ANKRD12: variants seen among roughly 807,000 people sequenced by gnomAD.
ANKRD12 encodes ankyrin repeat domain-containing protein 12.
Under a neutral mutation model 183.4 loss-of-function variants are expected in ANKRD12, and 85 were observed. That is an observed-to-expected ratio of 0.46 (90% CI 0.39 to 0.56). The LOEUF is 0.56. Among genes scored for constraint, ANKRD12 ranks in the 20% least tolerant of loss-of-function variants. The probability of loss-of-function intolerance (pLI) is 0.00; values close to 1 mark genes in which losing one functional copy is unlikely to be tolerated. For missense variants in ANKRD12, 2,405 were observed against 2,357.1 expected (o/e 1.02, Z -0.42); for synonymous variants, 914 against 800.2 (o/e 1.14, Z -2.40).
At chr18:9,275,744 T>G in intron 11 of ANKRD12, 77 bp downstream of exon 11, 12 of 1,349,568 alleles carry the variant, frequency 8.9e-6, no homozygotes, top group Non-Finnish European at 1.2e-5. Flanking sequence ...TCTATTTCCA[T>G]AGAAAGAACT....
chr18:9,221,871 G>A lies in ANKRD12; in HGVS notation c.815G>A (p.Arg272His), dbSNP rs757301244. The change falls in exon 8 of 13, where the codon CGT (arginine) becomes CAT (histidine). Residue 272 changes from arginine to histidine, a missense_variant. By Grantham distance (29) the Arg-to-His change is conservative. Transcript: ENST00000262126. ...TTGCAGATAGTAAAGCTGTTACTTC[G>A]TCACGGTGGAAATCCATTTCAAGCT... The part of the protein sequence containing the change: ...GHRDIVKLLL[R>H]HGGNPFQANK... 1.3e-5 allele frequency: 21 copies of A among 1,613,672 alleles called. No homozygotes were observed. Among genetic ancestry groups the A allele is most frequent in the South Asian group, 5.5e-5 (5 of 91,062 alleles).
At chr18:9,149,108 C>G (rs751145591) in intron 1 of ANKRD12, among the ~76,000 whole-genome samples, 1 of 152,174 alleles carries the variant, frequency 6.6e-6, no homozygotes. Context: ...CCCCTACCTC[C>G]GTACGCATGC....
At chr18:9,230,279 A>G (rs1345950127) in intron 8 of ANKRD12, among the ~76,000 whole-genome samples, 1 of 152,170 alleles carries the variant, frequency 6.6e-6, no homozygotes, top group Non-Finnish European at 1.5e-5. Context: ...TATAGTTCAT[A>G]ATAGTCTCTG....
At chr18:9,278,037 C>T (rs546115107) in intron 11 of ANKRD12, among the ~76,000 whole-genome samples, 1 of 152,312 alleles carries the variant, frequency 6.6e-6, no homozygotes, top group South Asian at 2.1e-4. Context: ...AGACAGGCCT[C>T]TCTCAAACCT....
chr18:9,184,373 G>A (rs1317757442), intron 2 of ANKRD12, among the ~76,000 whole-genome samples: 1 of 151,962 alleles, frequency 6.6e-6, no homozygotes, highest in Non-Finnish European at 1.5e-5. Flanking sequence ...GATCTAGGTA[G>A]GAATATCTTG....
intron 8 of ANKRD12, among the ~76,000 whole-genome samples, chr18:9,233,836 C>A (rs1307065865): frequency 1.3e-5 from 2 of 152,124 alleles, no homozygotes; most frequent in African/African-American, 4.8e-5. Context: ...TATTCTGAGC[C>A]CCAGCCCATC....
chr18:9,235,694 C>A, intron 8 of ANKRD12: 2 of 456,158 alleles, frequency 4.4e-6, no homozygotes, highest in South Asian at 1.5e-5. Context: ...TTGAACTATA[C>A]CAAGTGTATG....
chr18:9,221,774 A>G (rs758588710), intron 7 of ANKRD12, 78 bp from the exon 8 acceptor site: 7 of 1,393,032 alleles, frequency 5.0e-6, no homozygotes, highest in African/African-American at 1.4e-5. Flanking sequence ...GAAGGATACT[A>G]TGAGTATTAT....
chr18:9,250,728 A>G (rs547989462), intron 8 of ANKRD12, among the ~76,000 whole-genome samples: 8 of 152,294 alleles, frequency 5.3e-5, no homozygotes, highest in Admixed American at 2.6e-4. Context: ...CAAAAAAACA[A>G]GAGACTCCAG....
intron 1 of ANKRD12, among the ~76,000 whole-genome samples, chr18:9,143,659 A>G (rs1283524450): frequency 2.6e-5 from 4 of 152,086 alleles, no homozygotes; most frequent in African/African-American, 9.7e-5. Flanking sequence ...ATGGGGTTTC[A>G]CTATGTTGGC....
At chr18:9,192,718 T>TA (rs397730681) in intron 2 of ANKRD12, among the ~76,000 whole-genome samples, 3 of 151,860 alleles carry the variant, frequency 2.0e-5, no homozygotes, top group African/African-American at 7.3e-5. Flanking sequence ...CCTTTTTTTT[T>TA]AGAGACAGGG....
Position 9,256,756 on chromosome 18 carries a change from A to G in ANKRD12, c.3489A>G (p.Arg1163=), listed in dbSNP as rs761545731. Residue 1163 remains arginine, a synonymous_variant, in exon 9 of 13, where the codon AGA becomes AGG. Coordinates refer to ENST00000262126, the MANE Select transcript of ANKRD12 (RefSeq NM_015208.5). The part of the protein sequence containing the change: ...EKQPKDAVSN[R]SQSVDTKNVM... ...AACCTAAAGATGCTGTAAGTAACAG[A>G]TCACAATCTGTTGACACCAAAAATG... 6.2e-7 allele frequency: 1 copy of G among 1,613,838 alleles called. No homozygotes were observed. Among genetic ancestry groups the G allele is most frequent in the Non-Finnish European group, 8.5e-7 (1 of 1,179,932 alleles).
At chr18:9,232,868 A>T (rs6506646) in intron 8 of ANKRD12, among the ~76,000 whole-genome samples, 2 of 151,216 alleles carry the variant, frequency 1.3e-5, no homozygotes, top group African/African-American at 4.9e-5. Context: ...GTTGTTGTTT[A>T]AGACAGAATC....
chr18:9,187,450 A>T (rs2034162790), intron 2 of ANKRD12, among the ~76,000 whole-genome samples: 1 of 152,178 alleles, frequency 6.6e-6, no homozygotes, highest in South Asian at 2.1e-4. Context: ...ACGTAAGTAG[A>T]GACCCCATTT....
chr18:9,182,369 C>T lies in ANKRD12; in HGVS notation c.-51-13C>T. 9.4e-7 allele frequency: 1 copy of T among 1,064,278 alleles called. No homozygotes were observed. Among genetic ancestry groups the T allele is most frequent in the Non-Finnish European group, 1.4e-6 (1 of 721,400 alleles). 65.9% of individuals were successfully genotyped at this position (1,064,278 alleles called of 1,614,324 possible). A position where few individuals can be genotyped will look rare whatever the true frequency, so the allele number is the denominator to read the frequency against. ...ATATATTCAAATAACCCTTATATAT[C>T]TATTCTTTACAGATCCAGGATGAGA... is the stretch of plus-strand genomic sequence containing the variant. On this transcript the variant is annotated splice_polypyrimidine_tract_variant and intron_variant, in intron 1 of 12. Transcript: ENST00000262126.
At chr18:9,178,513 C>G (rs1043871624) in intron 1 of ANKRD12, among the ~76,000 whole-genome samples, 2 of 152,082 alleles carry the variant, frequency 1.3e-5, no homozygotes, top group Admixed American at 6.6e-5. Context: ...ATAAGTCTGT[C>G]TTTACATTAG....
intron 3 of ANKRD12, among the ~76,000 whole-genome samples, chr18:9,199,204 G>C (rs1486144516): frequency 6.6e-6 from 1 of 152,140 alleles, no homozygotes; most frequent in African/African-American, 2.4e-5. Context: ...TGATGCATGA[G>C]TATTGCTTGG....
At chr18:9,233,591 T>G (rs566878981) in intron 8 of ANKRD12, among the ~76,000 whole-genome samples, 1 of 152,118 alleles carries the variant, frequency 6.6e-6, no homozygotes, top group Non-Finnish European at 1.5e-5. Context: ...TCCCAAAGAT[T>G]ATATCAATGG....
intron 1 of ANKRD12, among the ~76,000 whole-genome samples, chr18:9,177,077 A>G (rs1481777488): frequency 1.3e-5 from 2 of 152,218 alleles, no homozygotes; most frequent in African/African-American, 4.8e-5. Context: ...TAGCCATTGG[A>G]TAACAAAGTC....
Sources: gnomAD v4.1 joint callset for allele counts (sites outside exome capture counted in the v4.1 genomes callset) on GRCh38, gnomAD v4.1.1 for gene constraint, MANE v1.5 for transcripts, NCBI Gene and HGNC (gene_info 2026-07-23, HGNC 2026-07-21) for gene names.